TEP1: variants seen among roughly 807,000 people sequenced by gnomAD.
TEP1 encodes telomerase protein component 1.
Under a neutral mutation model 306.3 loss-of-function variants are expected in TEP1, and 241 were observed. That is an observed-to-expected ratio of 0.79 (90% confidence interval 0.71 to 0.88). The LOEUF is 0.88. TEP1 is among the 40% of genes least tolerant of loss of function. The pLI, the probability that TEP1 is intolerant of heterozygous loss-of-function variation, is 0.00. For synonymous variants in TEP1, 1,289 were observed against 1,305.5 expected (o/e 0.99, Z 0.27); for missense variants, 3,051 against 3,276.1 (o/e 0.93, Z 1.68).
In TEP1 at chr14:20,377,839, GTCC is replaced by G. The variant is rs941621748; in HGVS notation, c.5722-89_5722-87del. The G allele has an allele frequency of 8.9e-5, 139 of 1,553,376 alleles. 1 individual carries two copies. Among genetic ancestry groups the G allele is most frequent in the Admixed American group, 1.3e-4 (7 of 53,352 alleles). On this transcript the variant is annotated intron_variant, in intron 39 of 54. Coordinates refer to ENST00000262715, the MANE Select transcript of TEP1 (RefSeq NM_007110.5). ...TTGAGTTACAGCCACCCCCATTAAA[GTCC>G]TCCTTCCAGAGACTCTTCTCATGAG... is the stretch of plus-strand genomic sequence containing the variant.
chr14:20,385,458 C>T (rs574240373), intron 20 of TEP1, among the ~76,000 whole-genome samples: 16 of 152,108 alleles, frequency 1.1e-4, no homozygotes, highest in African/African-American at 3.1e-4. Context: ...CAGCAACCTC[C>T]GCCTCCTCGG....
intron 9 of TEP1, among the ~76,000 whole-genome samples, chr14:20,400,497 C>CAAAAAAAAAAAAAAAAAAAAAAA (rs71108598): frequency 3.5e-5 from 3 of 85,470 alleles, no homozygotes; most frequent in Non-Finnish European, 7.8e-5. Context: ...AAAAGTAGAC[C>CAAAAAAAAAAAAAAAAAAAAAAA]AAAAAAAAAA....
Position 20,406,246 on chromosome 14 carries a change from A to C in TEP1, c.722T>G (p.Leu241Arg), listed in dbSNP as rs554303482. ...TTGAATTTTTACCTTCTTTTCCTGA[A>C]GGACATGGTCAGTAGGCTCTGGATG... ...ESHPEPTDHV[L>R]QEKKMALLSL... Residue 241 changes from leucine (L) to arginine (R), a missense_variant, in exon 3 of 55, where the codon CTT (leucine) becomes CGT (arginine). Physicochemically the swap from Leu to Arg is moderately radical, Grantham distance 102 (BLOSUM62 -2). This residue lies in a region of TEP1 where 1,507 missense variants were observed against 1,550.5 expected (regional missense o/e 0.97). Transcript: ENST00000262715. 2 of 1,613,878 alleles carry C rather than the reference A, an allele frequency of 1.2e-6. No homozygotes were observed. Among genetic ancestry groups the C allele is most frequent in the Non-Finnish European group, 1.7e-6 (2 of 1,179,950 alleles).
Position 20,384,379 on chromosome 14 carries a change from G to A in TEP1, c.3339+12C>T. 1 of 1,613,074 alleles carries A rather than the reference G, an allele frequency of 6.2e-7. No homozygotes were observed. Among genetic ancestry groups the A allele is most frequent in the Non-Finnish European group, 8.5e-7 (1 of 1,179,060 alleles). On this transcript the variant is annotated intron_variant, in intron 23 of 54. Transcript: ENST00000262715. The stretch of plus-strand genomic sequence containing the variant: ...CCTCTCCATGCCTCTGGTCACCAGT[G>A]CTTCTGCTGACCTGCAGGTAGAGCT...
chr14:20,402,871 A>G (rs991614424), intron 7 of TEP1, among the ~76,000 whole-genome samples: 1 of 152,196 alleles, frequency 6.6e-6, no homozygotes, highest in Non-Finnish European at 1.5e-5. Flanking sequence ...AGTAAAGTAC[A>G]ATACCAGCTG....
Position 20,371,288 on chromosome 14 carries a change from A to G in TEP1, c.7247T>C (p.Ile2416Thr), listed in dbSNP as rs779342824. 13 of 1,614,194 alleles carry G rather than the reference A, an allele frequency of 8.1e-6. No individual in the cohort carries two copies. The African/African-American group carries it at 1.3e-4, about 17-fold the overall frequency. Residue 2416 changes from isoleucine (I) to threonine (T), a missense_variant, in exon 51 of 55, where the codon ATA (isoleucine) becomes ACA (threonine). This residue lies in a region of TEP1 where 1,540 missense variants were observed against 1,705.9 expected (regional missense o/e 0.90). Coordinates refer to ENST00000262715, the MANE Select transcript of TEP1 (RefSeq NM_007110.5). ...GCCATACTCCTTGTGGGTGGACAATATCATAGGATTTTCTGTATAGCTGCT... is the reference window on the plus strand; with the variant it reads ...GCCATACTCCTTGTGGGTGGACAATGTCATAGGATTTTCTGTATAGCTGCT... ...IWSSYTENPM[I>T]LSTHKEYGIF...
Position 20,406,217 on chromosome 14 carries a change from A to T in TEP1, c.735+16T>A. On this transcript the variant is annotated intron_variant, in intron 3 of 54. Transcript: ENST00000262715. Reference sequence around the variant, plus strand: ...CCACACCATTATTAACCTTCCCCTAACTCTTGAATTTTTACCTTCTTTTCC... The same window carrying T: ...CCACACCATTATTAACCTTCCCCTATCTCTTGAATTTTTACCTTCTTTTCC... 2 of 1,613,274 alleles carry T rather than the reference A, an allele frequency of 1.2e-6. No individual in the cohort carries two copies.
At position 20,389,754 on chromosome 14, in the gene TEP1, A is replaced by C; in HGVS notation, c.2335-14T>G. 3 of 1,613,692 alleles carry C rather than the reference A, an allele frequency of 1.9e-6. No homozygotes were observed. Among genetic ancestry groups the C allele is most frequent in the Non-Finnish European group, 2.5e-6 (3 of 1,179,734 alleles). ...GACCCTGTCCACCTGTAAGATGAAA[A>C]GGGAGAAGATGCTAGAGAAGGGATG... On this transcript the variant is annotated splice_polypyrimidine_tract_variant and intron_variant, in intron 15 of 54. Transcript: ENST00000262715.
rs770890566 is a variant in TEP1, at chr14:20,396,606, G to GC, written c.1659+14dup. 5.0e-6 allele frequency: 8 copies of GC among 1,591,918 alleles called. No individual in the cohort carries two copies. In the African/African-American group the frequency reaches 9.4e-5, roughly 19 times the overall value. On this transcript the variant is annotated intron_variant, in intron 10 of 54. Coordinates refer to ENST00000262715, the MANE Select transcript of TEP1 (RefSeq NM_007110.5). ...TAGTTGCTGGGCCCCATGGCTACCA[G>GC]CCCCTCACACATACCGCATGCTGGA...
chr14:20,371,103 G>T, intron 51 of TEP1, 115 bp downstream of exon 51: 1 of 831,290 alleles, frequency 1.2e-6, no homozygotes, highest in Non-Finnish European at 2.0e-6. Context: ...AGGAGGATAA[G>T]AGGATTTGCA....
At chr14:20,374,094 T>C (rs1885029656) in intron 44 of TEP1, among the ~76,000 whole-genome samples, 1 of 151,534 alleles carries the variant, frequency 6.6e-6, no homozygotes, top group Admixed American at 6.6e-5. Flanking sequence ...TTTTCTCTTT[T>C]TTTTTTTTTT....
In TEP1 at chr14:20,395,518, C is replaced by G. The variant is rs2228036; in HGVS notation, c.1860G>C (p.Arg620=). The G allele has an allele frequency of 1.2e-6, 2 of 1,613,456 alleles. No individual in the cohort carries two copies. ...ACAACACAGGTATCCTCATTGCCATCCGAAGCTGCTGACGGCTTAGGTGGC... is the reference window on the plus strand; with the variant it reads ...ACAACACAGGTATCCTCATTGCCATGCGAAGCTGCTGACGGCTTAGGTGGC... ...FLCHLSRQQL[R]MAMRIPVLYE... The change falls in exon 12 of 55, where the codon CGG becomes CGC. Residue 620 remains arginine, a synonymous_variant. Coordinates refer to ENST00000262715, the MANE Select transcript of TEP1 (RefSeq NM_007110.5).
Position 20,371,225 on chromosome 14 carries a change from G to A in TEP1, c.7310C>T (p.Ser2437Phe). The change falls in exon 51 of 55, where the codon TCT becomes TTT. Residue 2437 changes from serine (S) to phenylalanine (F), a missense_variant. This residue lies in a region of TEP1 where 1,540 missense variants were observed against 1,705.9 expected (regional missense o/e 0.90). Transcript: ENST00000262715. Reference sequence around the variant, plus strand: ...CACTCAAATAGGACTTACCAAGAAAGAAAGAACTCCAGGATCCTTGGGCTG... The same window carrying A: ...CACTCAAATAGGACTTACCAAGAAAAAAAGAACTCCAGGATCCTTGGGCTG... ...VLQPKDPGVL[S>F]FLRQKESGEF... 1.2e-6 allele frequency: 2 copies of A among 1,613,764 alleles called. No individual in the cohort carries two copies. The highest frequency in any genetic ancestry group is 1.7e-6 in the Non-Finnish European group (2 of 1,179,632).
At chr14:20,384,777 C>A (rs187856632) in intron 21 of TEP1, 64 bp from the exon 22 acceptor site, 18,268 of 1,534,162 alleles carry the variant, frequency 0.012, 159 homozygotes, top group Non-Finnish European at 0.015. Context: ...CCTCCACCAA[C>A]CACCAGACAT....
chr14:20,382,281 C>G lies in TEP1; in HGVS notation c.4216G>C (p.Glu1406Gln), dbSNP rs1566454162. Residue 1406 changes from glutamate (E) to glutamine (Q), a missense_variant, in exon 29 of 55, where the codon GAG becomes CAG. By Grantham distance (29) the Glu-to-Gln change is conservative (BLOSUM62 2). Transcript: ENST00000262715. Reference protein sequence around the residue: ...LQHILSTLEKEHGPDVLPQAL... With the variant: ...LQHILSTLEKQHGPDVLPQAL... ...TGGGGAAGGACATCAGGCCCGTGCT[C>G]CTTCTCCAGTGTGCTCAGGATGTGC... is the stretch of plus-strand genomic sequence containing the variant. 6.2e-7 allele frequency: 1 copy of G among 1,614,028 alleles called. No homozygotes were observed. The highest frequency in any genetic ancestry group is 8.5e-7 in the Non-Finnish European group (1 of 1,180,036).
At position 20,380,044 on chromosome 14, in the gene TEP1, C is replaced by T. The variant is rs759238055; in HGVS notation, c.5013G>A (p.Leu1671=). ...TAGGGGATGAGGAAACTGCCAGAGACAGGCTGGAGCTAGAGAAAGAGTAGG... is the reference window on the plus strand; with the variant it reads ...TAGGGGATGAGGAAACTGCCAGAGATAGGCTGGAGCTAGAGAAAGAGTAGG... The part of the protein sequence containing the change: ...RTMKNQQSSS[L]SLAVSSSPTA... Residue 1671 remains leucine, a synonymous_variant, in exon 35 of 55, where the codon CTG becomes CTA. Coordinates refer to ENST00000262715, the MANE Select transcript of TEP1 (RefSeq NM_007110.5). 11 of 1,610,990 alleles carry T rather than the reference C, an allele frequency of 6.8e-6. No individual in the cohort carries two copies. The highest frequency in any genetic ancestry group is 9.3e-6 in the Non-Finnish European group (11 of 1,179,250).
At position 20,403,734 on chromosome 14, in the gene TEP1, G is replaced by C; in HGVS notation, c.1183C>G (p.Pro395Ala). ...GGGCAGTGACTGACTGGAGAGCGGGGTGGCCGGCGGGGGTGTCTCTTGGCC... is the reference window on the plus strand; with the variant it reads ...GGGCAGTGACTGACTGGAGAGCGGGCTGGCCGGCGGGGGTGTCTCTTGGCC... Reference protein sequence around the residue: ...HRAKRHPRRPPRSPGMEPPFS... With the variant: ...HRAKRHPRRPARSPGMEPPFS... The change falls in exon 6 of 55, where the codon CCC (proline) becomes GCC (alanine). Residue 395 changes from proline to alanine, a missense_variant. Pro to Ala is a conservative substitution (Grantham distance 27). Transcript: ENST00000262715. 1 of 1,613,770 alleles carries C rather than the reference G, an allele frequency of 6.2e-7. No homozygotes were observed. The highest frequency in any genetic ancestry group is 1.1e-5 in the South Asian group (1 of 91,062).
At chr14:20,406,724 G>A (rs978924167) in intron 2 of TEP1, among the ~76,000 whole-genome samples, 1 of 152,212 alleles carries the variant, frequency 6.6e-6, no homozygotes, top group Non-Finnish European at 1.5e-5. Context: ...TGTTTTGGGG[G>A]TCAGAAGAAA....
Position 20,389,677 on chromosome 14 carries a change from G to T in TEP1, c.2398C>A (p.Leu800Ile). The T allele has an allele frequency of 6.2e-7, 1 of 1,614,220 alleles. No homozygotes were observed. The highest frequency in any genetic ancestry group is 8.5e-7 in the Non-Finnish European group (1 of 1,180,034). Reference protein sequence around the residue: ...DDGMINVAKQLYWQRVNSKCL... With the variant: ...DDGMINVAKQIYWQRVNSKCL... ...TTGGAATTCACACGCTGCCAGTAAA[G>T]CTGTTTGGCCACATTTATCATTCCA... Residue 800 changes from leucine (L) to isoleucine (I), a missense_variant, in exon 16 of 55, where the codon CTT becomes ATT. Leu to Ile is a conservative substitution (Grantham distance 5). Coordinates refer to ENST00000262715, the MANE Select transcript of TEP1 (RefSeq NM_007110.5).
Sources: allele counts gnomAD v4.1 joint callset (sites outside exome capture counted in the v4.1 genomes callset), GRCh38; gene constraint gnomAD v4.1.1; regional missense constraint gnomAD v4.1.1; transcripts MANE v1.5; gene names NCBI Gene and HGNC (gene_info 2026-07-23, HGNC 2026-07-21).